LRRTM4: variants seen among roughly 807,000 people sequenced by gnomAD.
LRRTM4 encodes leucine rich repeat transmembrane neuronal 4, also known as leucine-rich repeat transmembrane neuronal protein 4.
LRRTM4 carries 25 observed loss-of-function variants against 47.6 expected under a neutral mutation model. The observed-to-expected ratio is 0.53, with a 90% CI of 0.38 to 0.73. The LOEUF is 0.73. LRRTM4 is among the 30% of genes least tolerant of loss of function. The pLI is 0.00. For synonymous variants in LRRTM4, 311 were observed against 269.5 expected, an observed-to-expected ratio of 1.15 and a Z score of -1.51; for missense variants, 638 against 713.4, an observed-to-expected ratio of 0.89 and a Z score of 1.20.
chr2:77,377,548 A>G (rs1231378190), intron 3 of LRRTM4, among the ~76,000 whole-genome samples: 2 of 151,796 alleles, frequency 1.3e-5, no homozygotes, highest in African/African-American at 4.8e-5. Context: ...CAACTGTGGC[A>G]TCTTTTCTGT....
intron 3 of LRRTM4, among the ~76,000 whole-genome samples, chr2:77,413,127 A>T (rs910547936): frequency 5.3e-5 from 8 of 152,180 alleles, no homozygotes; most frequent in Non-Finnish European, 1.0e-4. Flanking sequence ...CATTGACTCA[A>T]CTATTGGTGT....
chr2:76,990,676 C>T (rs1202603021), intron 3 of LRRTM4, among the ~76,000 whole-genome samples: 1 of 151,824 alleles, frequency 6.6e-6, no homozygotes, highest in Non-Finnish European at 1.5e-5. Context: ...TACAAAAAGA[C>T]TTAGACAACC....
At chr2:77,472,374 G>C (rs1397994269) in intron 3 of LRRTM4, among the ~76,000 whole-genome samples, 1 of 152,096 alleles carries the variant, frequency 6.6e-6, no homozygotes, top group Non-Finnish European at 1.5e-5. Flanking sequence ...CATACTGATT[G>C]ATTGACAAAA....
intron 3 of LRRTM4, among the ~76,000 whole-genome samples, chr2:76,889,721 T>C (rs1479343757): frequency 1.3e-5 from 2 of 152,016 alleles, no homozygotes; most frequent in African/African-American, 4.8e-5. Context: ...TTTTAGTAGA[T>C]GCTTAAATAA....
chr2:77,481,194 G>T (rs573771564), intron 3 of LRRTM4, among the ~76,000 whole-genome samples: 160 of 152,182 alleles, frequency 1.1e-3, no homozygotes, highest in African/African-American at 3.6e-3. Flanking sequence ...AACATAAACT[G>T]TTATGTGTGT....
intron 3 of LRRTM4, among the ~76,000 whole-genome samples, chr2:77,154,490 T>C (rs1031076745): frequency 6.6e-6 from 1 of 152,124 alleles, no homozygotes; most frequent in East Asian, 1.9e-4. Context: ...GGCATGGACA[T>C]AGGAAAATGG....
rs36108858 is a variant in LRRTM4 at position 77,021,110 on chromosome 2, GTATCTATC to G, written c.1552-272202_1552-272195del. ...AACTTCTCTGTATCTATCTATCTAT[GTATCTATC>G]TATCTATCTATCTAGCCTTATCTAT... On this transcript the variant is annotated intron_variant, in intron 3 of 3. Transcript: ENST00000409884. 6.0e-5 allele frequency among the ~76,000 whole-genome samples: 9 copies of G among 151,038 alleles called. No homozygotes were observed. The East Asian group carries it at 1.2e-3, about 20-fold the overall frequency.
At chr2:77,394,713 A>G (rs986324018) in intron 3 of LRRTM4, among the ~76,000 whole-genome samples, 3 of 151,972 alleles carry the variant, frequency 2.0e-5, no homozygotes, top group Non-Finnish European at 4.4e-5. Flanking sequence ...TACAACTCAT[A>G]TTCACTTTGG....
intron 3 of LRRTM4, among the ~76,000 whole-genome samples, chr2:77,309,724 TAGATA>T (rs1430706612): frequency 1.3e-5 from 2 of 149,182 alleles, no homozygotes; most frequent in East Asian, 2.0e-4. Context: ...GATAGATAGA[TAGATA>T]GATATAACAA....
chr2:76,795,710 T>G (rs1395426637), intron 3 of LRRTM4, among the ~76,000 whole-genome samples: 1 of 152,120 alleles, frequency 6.6e-6, no homozygotes, highest in Non-Finnish European at 1.5e-5. Context: ...ATCTTCTACA[T>G]ACTGATGTCG....
chr2:77,184,904 C>T (rs1218547005), intron 3 of LRRTM4, among the ~76,000 whole-genome samples: 1 of 151,972 alleles, frequency 6.6e-6, no homozygotes, highest in African/African-American at 2.4e-5. Context: ...CATTTATTCC[C>T]CATGTTCTTT....
intron 3 of LRRTM4, among the ~76,000 whole-genome samples, chr2:76,813,668 G>A (rs545648315): frequency 1.2e-3 from 179 of 152,194 alleles, no homozygotes; most frequent in African/African-American, 4.1e-3. Flanking sequence ...TTTGAGTTTT[G>A]TATTAGGACT....
chr2:76,982,862 G>A (rs772943779), intron 3 of LRRTM4, among the ~76,000 whole-genome samples: 81 of 152,078 alleles, frequency 5.3e-4, no homozygotes, highest in Non-Finnish European at 1.0e-3. Context: ...GAAGTGAGGG[G>A]CAGAGAGTCA....
intron 3 of LRRTM4, among the ~76,000 whole-genome samples, chr2:77,182,649 CCT>C (rs1249806701): frequency 6.6e-6 from 1 of 152,094 alleles, no homozygotes; most frequent in Non-Finnish European, 1.5e-5. Context: ...AATTTGACTT[CCT>C]CTTTTTCTAA....
intron 3 of LRRTM4, among the ~76,000 whole-genome samples, chr2:76,883,016 A>G (rs779684838): frequency 7.2e-5 from 11 of 152,182 alleles, no homozygotes; most frequent in Non-Finnish European, 1.5e-4. Flanking sequence ...TCTGCCAGCC[A>G]GGTAAAGTCT....
intron 3 of LRRTM4, among the ~76,000 whole-genome samples, chr2:77,387,226 T>C (rs1673313782): frequency 6.6e-6 from 1 of 152,150 alleles, no homozygotes; most frequent in Non-Finnish European, 1.5e-5. Context: ...TAATATTTGG[T>C]TAATTATAGC....
rs139443809 is a variant in LRRTM4 at position 77,136,598 on chromosome 2, C to T, written c.1551+381720G>A. Among the ~76,000 whole-genome samples, 34 of 152,268 alleles carry T rather than the reference C, an allele frequency of 2.2e-4. 1 individual carries two copies. In the East Asian group the frequency reaches 3.5e-3, roughly 16 times the overall value. Reference sequence around the variant, plus strand: ...CCCCTTCCAAAGGAACGCAGCTCCTCGCTAGGAAAAGAACAAAGCTGGATA... The same window carrying T: ...CCCCTTCCAAAGGAACGCAGCTCCTTGCTAGGAAAAGAACAAAGCTGGATA... On this transcript the variant is annotated intron_variant, in intron 3 of 3. Transcript: ENST00000409884.
Position 77,277,693 on chromosome 2 carries a change from G to A in LRRTM4, c.1551+240625C>T, listed in dbSNP as rs529566502. 4.6e-5 allele frequency among the ~76,000 whole-genome samples: 7 copies of A among 152,010 alleles called. No individual in the cohort carries two copies. The South Asian group carries it at 6.2e-4, about 14-fold the overall frequency. ...TTCATATGTAAAAGCAGATGATCTC[G>A]TTTTCTTAAATGACAAATGAATTCT... is the stretch of plus-strand genomic sequence containing the variant. On this transcript the variant is annotated intron_variant, in intron 3 of 3. Transcript: ENST00000409884.
intron 3 of LRRTM4, among the ~76,000 whole-genome samples, chr2:77,433,806 A>G (rs1207785508): frequency 1.3e-5 from 2 of 152,188 alleles, no homozygotes; most frequent in Non-Finnish European, 1.5e-5. Flanking sequence ...GAATGAGTAG[A>G]TAAGGCTCTC....
Sources: allele counts gnomAD v4.1 joint callset (sites outside exome capture counted in the v4.1 genomes callset), GRCh38; gene constraint gnomAD v4.1.1; transcripts MANE v1.5; gene names NCBI Gene and HGNC (gene_info 2026-07-23, HGNC 2026-07-21).